Variants in KLRG1 observed in about 807,000 individuals in gnomAD.
The protein encoded by KLRG1 is killer cell lectin-like receptor subfamily G member 1.
Under a neutral mutation model 21.8 loss-of-function variants are expected in KLRG1, and 16 were observed. That is an observed-to-expected ratio of 0.73 (90% CI 0.50 to 1.11). The LOEUF is 1.11. Ranked by LOEUF, KLRG1 falls within the 50% of genes most tolerant of loss-of-function variation. The pLI is 0.00. For synonymous variants in KLRG1, 69 were observed against 75.9 expected (o/e 0.91, Z 0.47); for missense variants, 173 against 218.3 (o/e 0.79, Z 1.31).
chr12:9,115,455 A>T, the KLRG1 span: 2 of 198,964 alleles, frequency 1.0e-5, no homozygotes, highest in African/African-American at 4.7e-5. Context: ...AGAGGAAATA[A>T]GAAAAGATAA....
At chr12:8,995,332 T>G (rs764675646) in intron 3 of KLRG1, 44 bp downstream of exon 3, 1 of 1,542,846 alleles carries the variant, frequency 6.5e-7, no homozygotes, top group East Asian at 2.3e-5. Flanking sequence ...TGTTTTGTTT[T>G]TGTTTTTGTT....
chr12:9,176,358 A>G, the KLRG1 span, among the ~76,000 whole-genome samples: 1 of 152,192 alleles, frequency 6.6e-6, no homozygotes, highest in African/African-American at 2.4e-5. Context: ...TGGGCTTAAT[A>G]CCTAGGTGAT....
At chr12:9,035,871 A>G in the KLRG1 span, among the ~76,000 whole-genome samples, 1 of 152,228 alleles carries the variant, frequency 6.6e-6, no homozygotes, top group Non-Finnish European at 1.5e-5. Context: ...GGAGGCCATT[A>G]TCCTAAGTGA....
the KLRG1 span, among the ~76,000 whole-genome samples, chr12:9,059,333 A>G: frequency 1.3e-5 from 2 of 152,136 alleles, no homozygotes; most frequent in African/African-American, 4.8e-5. Flanking sequence ...ATTTTTATCT[A>G]GAATGTATCA....
the KLRG1 span, chr12:9,166,843 G>A: frequency 6.6e-6 from 1 of 152,202 alleles, no homozygotes; most frequent in Non-Finnish European, 1.5e-5. Context: ...ACCAACGTGA[G>A]AGGGTGGAGA....
chr12:9,111,606 C>T, the KLRG1 span: 1 of 449,596 alleles, frequency 2.2e-6, no homozygotes, highest in Non-Finnish European at 4.4e-6. Flanking sequence ...AATCTTTTGT[C>T]TTTGGAGCTA....
chr12:9,204,791 A>AT, the KLRG1 span, among the ~76,000 whole-genome samples: 1 of 152,110 alleles, frequency 6.6e-6, no homozygotes, highest in Non-Finnish European at 1.5e-5. Flanking sequence ...TATCTTTTCA[A>AT]TAAAAAAAAA....
the KLRG1 span, chr12:9,074,905 G>T: frequency 9.7e-7 from 1 of 1,033,910 alleles, no homozygotes; most frequent in Non-Finnish European, 1.4e-6. Context: ...TGTACTGTAT[G>T]TAGATGCTTT....
the KLRG1 span, among the ~76,000 whole-genome samples, chr12:9,180,306 G>A: frequency 1.3e-5 from 2 of 151,994 alleles, no homozygotes; most frequent in Non-Finnish European, 1.5e-5. Flanking sequence ...CTACTTTAAA[G>A]TTCATATGGA....
the KLRG1 span, among the ~76,000 whole-genome samples, chr12:9,147,821 C>T: frequency 6.6e-6 from 1 of 152,184 alleles, no homozygotes; most frequent in Non-Finnish European, 1.5e-5. Flanking sequence ...AGCAAAATAT[C>T]TTATAGCCTT....
chr12:9,068,167 AGT>A, the KLRG1 span: 1 of 1,612,818 alleles, frequency 6.2e-7, no homozygotes, highest in Non-Finnish European at 8.5e-7. Context: ...CTTTTGGAGG[AGT>A]GTGAGTGGCT....
At chr12:9,179,124 T>A in the KLRG1 span, among the ~76,000 whole-genome samples, 5 of 152,214 alleles carry the variant, frequency 3.3e-5, no homozygotes, top group African/African-American at 4.8e-5. Context: ...TTTTCTTGCA[T>A]TATGTTAAAA....
chr12:9,095,677 C>T, the KLRG1 span: 1 of 1,603,362 alleles, frequency 6.2e-7, no homozygotes, highest in Non-Finnish European at 8.5e-7. Flanking sequence ...CAGTGAGGTC[C>T]TTTTCTGGTA....
At chr12:9,166,446 G>T in the KLRG1 span, among the ~76,000 whole-genome samples, 1 of 152,128 alleles carries the variant, frequency 6.6e-6, no homozygotes, top group Non-Finnish European at 1.5e-5. Context: ...ATGGAAGCTG[G>T]AAAAACGAGA....
the KLRG1 span, chr12:9,098,655 G>A: frequency 4.3e-6 from 7 of 1,610,088 alleles, no homozygotes; most frequent in Non-Finnish European, 5.9e-6. Context: ...GCACGCTTTG[G>A]TCCACAGCAC....
chr12:9,164,241 C>T, the KLRG1 span: 9 of 1,613,286 alleles, frequency 5.6e-6, no homozygotes, highest in South Asian at 9.9e-5. Context: ...GCTGGAGAGG[C>T]TTTCAGCTGC....
the KLRG1 span, chr12:9,106,175 A>T: frequency 8.2e-6 from 8 of 977,606 alleles, no homozygotes; most frequent in Middle Eastern, 2.1e-4. Flanking sequence ...CACAAACCAT[A>T]ACTATTGTGC....
At chr12:9,068,949 A>G in the KLRG1 span, 2 of 692,016 alleles carry the variant, frequency 2.9e-6, no homozygotes, top group Non-Finnish European at 4.8e-6. Context: ...ATTATCCTAC[A>G]GCACACTATA....
At chr12:9,118,331 C>T in the KLRG1 span, among the ~76,000 whole-genome samples, 1 of 152,136 alleles carries the variant, frequency 6.6e-6, no homozygotes, top group Non-Finnish European at 1.5e-5. Context: ...GACTGGAGGG[C>T]AAGTGGAAGT....
Sources: gnomAD v4.1 joint callset for allele counts (sites outside exome capture counted in the v4.1 genomes callset) on GRCh38, gnomAD v4.1.1 for gene constraint, MANE v1.5 for transcripts, NCBI Gene and HGNC (gene_info 2026-07-23, HGNC 2026-07-21) for gene names.